Variants in PCDHGB2 observed in about 807,000 individuals in gnomAD.
The protein encoded by PCDHGB2 is protocadherin gamma-B2.
A neutral mutation model predicts 59.3 loss-of-function variants in PCDHGB2; 55 were observed. That is an observed-to-expected ratio of 0.93 (90% confidence interval 0.75 to 1.16). The LOEUF (loss-of-function observed/expected upper bound fraction) is 1.16. PCDHGB2 is among the 50% of genes most tolerant of loss of function. The pLI, the probability that PCDHGB2 is intolerant of heterozygous loss-of-function variation, is 0.00. For synonymous variants in PCDHGB2, 516 were observed against 512.0 expected (o/e 1.01, Z -0.11); for missense variants, 1,228 against 1,198.5 (o/e 1.02, Z -0.36).
chr5:141,434,449 G>C (rs1392115883), intron 1 of PCDHGB2, among the ~76,000 whole-genome samples: 1 of 152,232 alleles, frequency 6.6e-6, no homozygotes, highest in Non-Finnish European at 1.5e-5. Context: ...ATGCTGGAAG[G>C]TAGTGGGTTT....
At chr5:141,429,925 A>G (rs1009987955) in intron 1 of PCDHGB2, among the ~76,000 whole-genome samples, 5 of 152,244 alleles carry the variant, frequency 3.3e-5, no homozygotes, top group African/African-American at 1.2e-4. Flanking sequence ...TATTAATAGA[A>G]TTCTGGAGTA....
chr5:141,390,279 C>T (rs759949726), intron 1 of PCDHGB2: 18 of 1,613,880 alleles, frequency 1.1e-5, no homozygotes, highest in Non-Finnish European at 1.5e-5. Context: ...GACTTCCCAT[C>T]AGGTGAGTTT....
chr5:141,402,937 C>A, intron 1 of PCDHGB2: 2 of 1,588,498 alleles, frequency 1.3e-6, no homozygotes, highest in Non-Finnish European at 1.7e-6. Flanking sequence ...TGAGAAAATT[C>A]CAAAGCGAGG....
intron 2 of PCDHGB2, among the ~76,000 whole-genome samples, chr5:141,502,109 C>G (rs2099812899): frequency 1.3e-5 from 2 of 152,182 alleles, no homozygotes; most frequent in Admixed American, 1.3e-4. Flanking sequence ...ACCCTGCACC[C>G]TCAGCCAGGC....
intron 1 of PCDHGB2, chr5:141,403,068 C>G (rs1178674622): frequency 6.2e-7 from 1 of 1,614,064 alleles, no homozygotes; most frequent in Admixed American, 1.7e-5. Context: ...CCTGAAGAGA[C>G]AGAAAAGGGC....
intron 1 of PCDHGB2, chr5:141,392,842 G>A: frequency 6.2e-7 from 1 of 1,609,312 alleles, no homozygotes. Flanking sequence ...CGCCCCAGAC[G>A]CGGCGAGCTG....
intron 1 of PCDHGB2, chr5:141,426,568 C>T: frequency 5.6e-6 from 2 of 354,402 alleles, no homozygotes; most frequent in Non-Finnish European, 5.6e-6. Flanking sequence ...TCGAGAGTCA[C>T]TGTCTTCAAA....
chr5:141,394,263 A>C lies in PCDHGB2; in HGVS notation c.2421+31707A>C, dbSNP rs745926581. The C allele has an allele frequency of 2.5e-6, 4 of 1,613,766 alleles. No homozygotes were observed. In the African/African-American group the frequency reaches 5.3e-5, roughly 22 times the overall value. On this transcript the variant is annotated intron_variant, in intron 1 of 3. Coordinates refer to ENST00000522605, the MANE Select transcript of PCDHGB2 (RefSeq NM_018923.3). ...TGCACACGACCCCGACAGCCAGGAG[A>C]ATGCCCAGGTCACTTACTCTGTGAC...
chr5:141,362,295 G>A lies in PCDHGB2; in HGVS notation c.2160G>A (p.Arg720=), dbSNP rs1312691474. The change falls in exon 1 of 4, where the codon AGG becomes AGA. Residue 720 remains arginine, a synonymous_variant. Coordinates refer to ENST00000522605, the MANE Select transcript of PCDHGB2 (RefSeq NM_018923.3). ...CCCTGCGCCTGCGACTCTCTTCCAG[G>A]TCAGATGCTTGGGACTGTTTTCAGC... ...AISLRLRLSS[R]SDAWDCFQPG... is the part of the protein sequence containing the mutation. 2 of 1,614,062 alleles carry A rather than the reference G, an allele frequency of 1.2e-6. No individual in the cohort carries two copies. The highest frequency in any genetic ancestry group is 1.7e-6 in the Non-Finnish European group (2 of 1,179,912).
chr5:141,474,608 T>C (rs1469173973), intron 1 of PCDHGB2, among the ~76,000 whole-genome samples: 1 of 152,268 alleles, frequency 6.6e-6, no homozygotes, highest in Non-Finnish European at 1.5e-5. Flanking sequence ...AGGTCACATA[T>C]GGCTTTTCAT....
chr5:141,423,435 G>A (rs2096740494), intron 1 of PCDHGB2: 1 of 1,613,892 alleles, frequency 6.2e-7, no homozygotes, highest in Admixed American at 1.7e-5. Context: ...TGGCAGGTAT[G>A]CCCACGTCAC....
rs118080774 is a variant in PCDHGB2, at chr5:141,422,026, G to A, written c.2421+59470G>A. On this transcript the variant is annotated intron_variant, in intron 1 of 3. Coordinates refer to ENST00000522605, the MANE Select transcript of PCDHGB2 (RefSeq NM_018923.3). ...CGGAACTCGGGTGCTGATGGTTAAT[G>A]CAACGGATCCAGACGAGGGAATCAA... 69 of 1,611,394 alleles carry A rather than the reference G, an allele frequency of 4.3e-5. No individual in the cohort carries two copies. The East Asian group carries it at 1.4e-3, about 32-fold the overall frequency.
chr5:141,386,119 G>T (rs2090470238), intron 1 of PCDHGB2: 1 of 152,186 alleles, frequency 6.6e-6, no homozygotes, highest in Non-Finnish European at 1.5e-5. Context: ...ATCAAAGTGG[G>T]AGATTGGGGA....
intron 1 of PCDHGB2, chr5:141,377,279 AAT>A (rs1773851812): frequency 6.6e-6 from 1 of 152,110 alleles, no homozygotes; most frequent in African/African-American, 2.4e-5. Context: ...TGGGAAAAAA[AAT>A]AACCTTAATT....
chr5:141,361,960 C>T lies in PCDHGB2; in HGVS notation c.1825C>T (p.Leu609=). ...GHNAWLSYHV[L]QASEPGLFSL... is the part of the protein sequence containing the mutation. ...CAACGCTTGGCTGTCCTACCACGTG[C>T]TGCAGGCCAGCGAGCCCGGGCTCTT... The change falls in exon 1 of 4, where the codon CTG becomes TTG. Residue 609 remains leucine (L), a synonymous_variant. Coordinates refer to ENST00000522605, the MANE Select transcript of PCDHGB2 (RefSeq NM_018923.3). 6.2e-7 allele frequency: 1 copy of T among 1,602,668 alleles called. No individual in the cohort carries two copies. The highest frequency in any genetic ancestry group is 8.5e-7 in the Non-Finnish European group (1 of 1,176,736).
chr5:141,431,416 C>G lies in PCDHGB2; in HGVS notation c.2422-63391C>G, dbSNP rs778722151. 3 of 1,613,596 alleles carry G rather than the reference C, an allele frequency of 1.9e-6. No homozygotes were observed. The highest frequency in any genetic ancestry group is 2.7e-5 in the African/African-American group (2 of 74,954). On this transcript the variant is annotated intron_variant, in intron 1 of 3. Coordinates refer to ENST00000522605, the MANE Select transcript of PCDHGB2 (RefSeq NM_018923.3). The surrounding 1 kb of genome is among the most constrained non-coding windows in gnomAD (Gnocchi z 4.8). ...TCCTTACGGCCTCCGACGGGGGCGA[C>G]CCGGTGCGCACAGGCACCGCGCGCA...
intron 1 of PCDHGB2, among the ~76,000 whole-genome samples, chr5:141,461,980 C>G (rs759291534): frequency 9.2e-5 from 14 of 152,176 alleles, no homozygotes; most frequent in Non-Finnish European, 1.5e-4. Flanking sequence ...TATGCCACCA[C>G]GCCAGGCTAA....
intron 1 of PCDHGB2, chr5:141,392,908 G>T: frequency 1.2e-6 from 2 of 1,613,852 alleles, no homozygotes; most frequent in African/African-American, 1.3e-5. Context: ...GGACAGATTC[G>T]CTACTCTGTG....
chr5:141,374,477 C>A lies in PCDHGB2; in HGVS notation c.2421+11921C>A, dbSNP rs376389009. 3 of 1,611,808 alleles carry A rather than the reference C, an allele frequency of 1.9e-6. No individual in the cohort carries two copies. In the East Asian group the frequency reaches 6.7e-5, roughly 36 times the overall value. ...AGTGGACATTAATGACAATACACCC[C>A]GATTCTTAAAGGAAGAATTGGAAGT... On this transcript the variant is annotated intron_variant, in intron 1 of 3. Transcript: ENST00000522605.
Sources: allele counts gnomAD v4.1 joint callset (sites outside exome capture counted in the v4.1 genomes callset), GRCh38; gene constraint gnomAD v4.1.1; non-coding constraint Gnocchi (gnomAD v3.1); transcripts MANE v1.5; gene names NCBI Gene and HGNC (gene_info 2026-07-23, HGNC 2026-07-21).